Variants in UFSP2 observed in about 807,000 individuals in gnomAD.
UFSP2 encodes the protein UFM1 specific peptidase 2.
A neutral mutation model predicts 60.2 loss-of-function variants in UFSP2; 43 were observed. The observed-to-expected ratio is 0.71, with a 90% CI of 0.56 to 0.92. UFSP2 has a LOEUF of 0.92. Ranked by LOEUF, UFSP2 falls within the 40% of genes least tolerant of loss-of-function variation. UFSP2 has a pLI of 0.00. For synonymous variants in UFSP2, 183 were observed against 195.1 expected (o/e 0.94, Z 0.52); for missense variants, 520 against 575.0 (o/e 0.90, Z 0.98).
At chr4:185,412,888 CCTT>C (rs1211546519) in intron 7 of UFSP2, among the ~76,000 whole-genome samples, 1 of 152,094 alleles carries the variant, frequency 6.6e-6, no homozygotes, top group African/African-American at 2.4e-5. Flanking sequence ...CTCCATGTAT[CCTT>C]AAAGTAACCC....
intron 11 of UFSP2, 134 bp downstream of exon 11, chr4:185,403,360 A>G: frequency 8.7e-7 from 1 of 1,155,684 alleles, no homozygotes; most frequent in East Asian, 2.5e-5. Context: ...GGCTACTTAC[A>G]ACAGCCTCAG....
intron 9 of UFSP2, 76 bp downstream of exon 9, chr4:185,407,860 T>C (rs1302501973): frequency 1.4e-6 from 2 of 1,466,648 alleles, no homozygotes; most frequent in Non-Finnish European, 1.8e-6. Context: ...GAAGATACCA[T>C]TTTTTCTATT....
At chr4:185,409,775 C>T (rs2095526056) in intron 7 of UFSP2, among the ~76,000 whole-genome samples, 1 of 152,144 alleles carries the variant, frequency 6.6e-6, no homozygotes, top group South Asian at 2.1e-4. Flanking sequence ...TATCCTGGAT[C>T]CTAGTGTGCC....
intron 10 of UFSP2, among the ~76,000 whole-genome samples, chr4:185,405,105 C>G (rs1169238537): frequency 1.3e-5 from 2 of 150,784 alleles, no homozygotes; most frequent in Non-Finnish European, 2.9e-5. Flanking sequence ...CTCAAGCAAT[C>G]CTCCCACCTC....
In UFSP2 at chr4:185,400,437, A is replaced by G; in HGVS notation, c.1365T>C (p.Asp455=). ...GAGGAAGACATAAGTTATAGTATGC[A>G]TCCTTGTTCCAAAAATCTGGGCCCT... ...GWKGPDFWNK[D]AYYNLCLPQR... is the part of the protein sequence containing the mutation. The change falls in exon 12 of 12, where the codon GAT becomes GAC. Residue 455 remains aspartate (D), a synonymous_variant. Transcript: ENST00000264689. The G allele has an allele frequency of 1.9e-6, 3 of 1,614,030 alleles. No individual in the cohort carries two copies. Among genetic ancestry groups the G allele is most frequent in the South Asian group, 1.1e-5 (1 of 91,062 alleles).
intron 10 of UFSP2, among the ~76,000 whole-genome samples, chr4:185,405,307 A>G (rs1377751075): frequency 6.6e-6 from 1 of 151,842 alleles, no homozygotes; most frequent in African/African-American, 2.4e-5. Context: ...TTCTACCTCC[A>G]TTTCTTACAC....
At chr4:185,408,171 GAAAT>G in intron 8 of UFSP2, 96 bp downstream of exon 8, 2 of 1,539,786 alleles carry the variant, frequency 1.3e-6, no homozygotes, top group South Asian at 2.3e-5. Context: ...CTTCAAAACA[GAAAT>G]AAGTCTGCAC....
intron 7 of UFSP2, 110 bp from the exon 8 acceptor site, chr4:185,408,545 G>A (rs1261316880): frequency 8.7e-7 from 1 of 1,148,818 alleles, no homozygotes; most frequent in African/African-American, 1.6e-5. Context: ...TGTTACTTTA[G>A]TTCCTTATAA....
chr4:185,424,984 CATTCCAGG>C (rs1561124884), intron 1 of UFSP2, among the ~76,000 whole-genome samples: 1 of 152,166 alleles, frequency 6.6e-6, no homozygotes, highest in East Asian at 1.9e-4. Flanking sequence ...TGCAATAGCC[CATTCCAGG>C]CAGGGCCATC....
intron 10 of UFSP2, among the ~76,000 whole-genome samples, chr4:185,405,002 C>CTTTT (rs70962563): frequency 2.2e-5 from 3 of 138,194 alleles, no homozygotes; most frequent in Non-Finnish European, 4.6e-5. Context: ...ACCTCCATTT[C>CTTTT]TTTTTTTTTT....
intron 10 of UFSP2, among the ~76,000 whole-genome samples, chr4:185,405,002 C>CTTTTTTTTTTTTTTTTTTTT (rs70962563): frequency 1.4e-5 from 2 of 138,196 alleles, no homozygotes; most frequent in African/African-American, 2.7e-5. Context: ...ACCTCCATTT[C>CTTTTTTTTTTTTTTTTTTTT]TTTTTTTTTT....
intron 10 of UFSP2, among the ~76,000 whole-genome samples, chr4:185,404,210 T>G (rs1019801304): frequency 7.3e-5 from 11 of 151,394 alleles, no homozygotes; most frequent in Non-Finnish European, 1.5e-4. Flanking sequence ...CCCAACAGAG[T>G]AACAATCTGC....
At chr4:185,411,108 C>A (rs960195548) in intron 7 of UFSP2, among the ~76,000 whole-genome samples, 3 of 141,674 alleles carry the variant, frequency 2.1e-5, no homozygotes, top group Non-Finnish European at 3.1e-5. Flanking sequence ...AGGGGGCCAA[C>A]AAAGCCAAAA....
intron 9 of UFSP2, among the ~76,000 whole-genome samples, chr4:185,407,056 G>A (rs374208899): frequency 1.9e-5 from 1 of 52,016 alleles, no homozygotes; most frequent in African/African-American, 5.6e-5. Context: ...GTATTTTTCT[G>A]TTTTTTTTTT....
intron 2 of UFSP2, 32 bp downstream of exon 2, chr4:185,422,453 T>C: frequency 6.6e-7 from 1 of 1,520,412 alleles, no homozygotes; most frequent in Non-Finnish European, 9.0e-7. Flanking sequence ...CTATCAATTT[T>C]CTAATAAAAA....
At chr4:185,403,698 C>CG (rs1419141644) in intron 10 of UFSP2, 80 bp from the exon 11 acceptor site, 2 of 1,528,498 alleles carry the variant, frequency 1.3e-6, no homozygotes, top group Non-Finnish European at 1.8e-6. Flanking sequence ...AGACAGATTA[C>CG]GGCCGGGCGT....
Position 185,413,879 on chromosome 4 carries a change from TAAATC to T in UFSP2, c.685-12_685-8del, listed in dbSNP as rs774520214. The T allele has an allele frequency of 2.5e-6, 4 of 1,583,954 alleles. No individual in the cohort carries two copies. Among genetic ancestry groups the T allele is most frequent in the South Asian group, 1.2e-5 (1 of 84,780 alleles). Reference sequence around the variant, plus strand: ...TGAAAAGATCATGTAACTCCTAAAATAAATCAGAATCAACAGAAAAAGAAAAAATG... The same window carrying T: ...TGAAAAGATCATGTAACTCCTAAAATAGAATCAACAGAAAAAGAAAAAATG... On this transcript the variant is annotated splice_region_variant and splice_polypyrimidine_tract_variant and intron_variant, in intron 6 of 11. Transcript: ENST00000264689.
Position 185,400,072 on chromosome 4 carries a change from T to C in UFSP2, c.*320A>G. 1 of 1,479,276 alleles carries C rather than the reference T, an allele frequency of 6.8e-7. No homozygotes were observed. Among genetic ancestry groups the C allele is most frequent in the East Asian group, 2.3e-5 (1 of 44,158 alleles). 91.6% of individuals were successfully genotyped at this position (1,479,276 alleles called of 1,614,324 possible). A position where few individuals can be genotyped will look rare whatever the true frequency, so the allele number is the denominator to read the frequency against. On this transcript the variant is annotated 3_prime_UTR_variant, in exon 12 of 12. Coordinates refer to ENST00000264689, the MANE Select transcript of UFSP2 (RefSeq NM_018359.5). ...AACGCCTTCATTTCATGCAAATCTATAAGCTCCTGCTTTTGGCTTTACCAT... is the reference window on the plus strand; with the variant it reads ...AACGCCTTCATTTCATGCAAATCTACAAGCTCCTGCTTTTGGCTTTACCAT...
chr4:185,413,771 T>G lies in UFSP2; in HGVS notation c.786A>C (p.Arg262Ser), dbSNP rs2095533600. 6 of 1,613,542 alleles carry G rather than the reference T, an allele frequency of 3.7e-6. No individual in the cohort carries two copies. The highest frequency in any genetic ancestry group is 3.4e-6 in the Non-Finnish European group (4 of 1,179,710). ...GTGGATTAAGGTAAGTATGTGGATTTCTAATGTAACCATCTTTGTATGGCT... is the reference window on the plus strand; with the variant it reads ...GTGGATTAAGGTAAGTATGTGGATTGCTAATGTAACCATCTTTGTATGGCT... ...PDEPYKDGYI[R>S]NPHTYLNPPN... Residue 262 changes from arginine to serine, a missense_variant, in exon 7 of 12, where the codon AGA becomes AGC. Coordinates refer to ENST00000264689, the MANE Select transcript of UFSP2 (RefSeq NM_018359.5).
Sources: allele counts gnomAD v4.1 joint callset (sites outside exome capture counted in the v4.1 genomes callset), GRCh38; gene constraint gnomAD v4.1.1; transcripts MANE v1.5; gene names NCBI Gene and HGNC (gene_info 2026-07-23, HGNC 2026-07-21).